The following UBAC2 variants were observed in gnomAD, a reference collection of about 807,000 sequenced individuals.
The protein encoded by UBAC2 is ubiquitin-associated domain-containing protein 2.
UBAC2 carries 26 observed loss-of-function variants against 44.0 expected under a neutral mutation model. The ratio of observed to expected loss-of-function variants is 0.59; its 90% CI spans 0.43 to 0.82. UBAC2 has a LOEUF of 0.82. Ranked by LOEUF, UBAC2 falls within the 40% of genes least tolerant of loss-of-function variation. UBAC2 has a pLI of 0.00. For synonymous variants in UBAC2, 155 were observed against 154.3 expected, an observed-to-expected ratio of 1.00 and a Z score of -0.04; for missense variants, 329 against 419.4, an observed-to-expected ratio of 0.78 and a Z score of 1.88.
intron 6 of UBAC2, among the ~76,000 whole-genome samples, chr13:99,333,096 T>TG (rs5806108): frequency 0.25 from 38,474 of 151,548 alleles, 6,041 homozygotes; most frequent in Non-Finnish European, 0.35. Context: ...ACCCCGTCTC[T>TG]GGGGGGGGAA....
At chr13:99,317,985 A>T (rs566768509) in intron 5 of UBAC2, 37 bp from the exon 6 acceptor site, 2 of 1,577,880 alleles carry the variant, frequency 1.3e-6, no homozygotes, top group East Asian at 4.5e-5. Flanking sequence ...TGGCAGTTGA[A>T]TTTTATTTTT....
rs2044587498 is a variant in UBAC2, at chr13:99,322,858, T to G, written c.561+4789T>G. Among the ~76,000 whole-genome samples, 3 of 152,102 alleles carry G rather than the reference T, an allele frequency of 2.0e-5. No individual in the cohort carries two copies. The South Asian group carries it at 6.2e-4, about 32-fold the overall frequency. ...GATCATAGGACAGGGGTAGGGAAAA[T>G]GAGCCATCTGGAGGGAGTCAAGACA... On this transcript the variant is annotated intron_variant, in intron 6 of 8. Coordinates refer to ENST00000403766, the MANE Select transcript of UBAC2 (RefSeq NM_001144072.2).
At chr13:99,322,847 G>A (rs1330865229) in intron 6 of UBAC2, among the ~76,000 whole-genome samples, 1 of 152,156 alleles carries the variant, frequency 6.6e-6, no homozygotes, top group Non-Finnish European at 1.5e-5. Context: ...ATAGGACAGG[G>A]GTAGGGAAAA....
intron 1 of UBAC2, chr13:99,201,594 A>T: frequency 4.3e-6 from 7 of 1,612,468 alleles, no homozygotes; most frequent in Non-Finnish European, 5.9e-6. Context: ...TTTTACAGCC[A>T]GTTAAACGGC....
chr13:99,303,153 C>T (rs537371398), intron 4 of UBAC2, among the ~76,000 whole-genome samples: 4 of 152,206 alleles, frequency 2.6e-5, no homozygotes, highest in South Asian at 4.2e-4. Context: ...AATAGATCTG[C>T]GAAAGGCCAT....
At chr13:99,249,586 T>C (rs1268682102) in intron 4 of UBAC2, among the ~76,000 whole-genome samples, 1 of 152,228 alleles carries the variant, frequency 6.6e-6, no homozygotes, top group Non-Finnish European at 1.5e-5. Context: ...GGAATGGTAG[T>C]CCTGTTTTAA....
At chr13:99,232,166 G>T (rs2043180396) in intron 1 of UBAC2, among the ~76,000 whole-genome samples, 1 of 152,096 alleles carries the variant, frequency 6.6e-6, no homozygotes, top group Admixed American at 6.6e-5. Flanking sequence ...GGGTTTGGGG[G>T]TATGGGATAG....
chr13:99,307,695 CAAT>C (rs910680642), intron 4 of UBAC2, among the ~76,000 whole-genome samples: 4 of 151,900 alleles, frequency 2.6e-5, no homozygotes, highest in African/African-American at 9.7e-5. Context: ...GAGACTGAAG[CAAT>C]AAACCTTAAC....
At chr13:99,270,782 G>A (rs1033291839) in intron 4 of UBAC2, among the ~76,000 whole-genome samples, 3 of 152,024 alleles carry the variant, frequency 2.0e-5, no homozygotes, top group South Asian at 4.2e-4. Context: ...AATCTTTTAT[G>A]GTAAATTATG....
intron 4 of UBAC2, among the ~76,000 whole-genome samples, chr13:99,277,264 G>T (rs2043895923): frequency 6.6e-6 from 1 of 152,194 alleles, no homozygotes; most frequent in Non-Finnish European, 1.5e-5. Context: ...AGTGGCTCAT[G>T]CCTGTAATCC....
At position 99,252,921 on chromosome 13, in the gene UBAC2, A is replaced by G. The variant is rs548291485; in HGVS notation, c.389+8297A>G. 1.7e-3 allele frequency among the ~76,000 whole-genome samples: 254 copies of G among 152,124 alleles called. 1 individual carries two copies. The highest frequency in any genetic ancestry group is 5.8e-3 in the African/African-American group (242 of 41,556). On this transcript the variant is annotated intron_variant, in intron 4 of 8. Transcript: ENST00000403766. ...TAAACTCTTCTTATCAAGACAAGCT[A>G]TGGCAGAGAACTTTTCCATCTAATA...
chr13:99,350,896 A>G (rs2045075319), intron 7 of UBAC2, among the ~76,000 whole-genome samples: 2 of 152,014 alleles, frequency 1.3e-5, no homozygotes, highest in South Asian at 4.1e-4. Context: ...ATTATAGGAC[A>G]CCCTGCTGGT....
At chr13:99,237,261 T>TACAC (rs1319391523) in intron 1 of UBAC2, among the ~76,000 whole-genome samples, 1 of 86,570 alleles carries the variant, frequency 1.2e-5, no homozygotes, top group Non-Finnish European at 2.7e-5. Context: ...TGCGTATATA[T>TACAC]ATATATATAT....
In UBAC2 at chr13:99,263,998, G is replaced by A. The variant is rs532585693; in HGVS notation, c.389+19374G>A. On this transcript the variant is annotated intron_variant, in intron 4 of 8. Coordinates refer to ENST00000403766, the MANE Select transcript of UBAC2 (RefSeq NM_001144072.2). ...TGGTAAACCTTTTGGGTGGGGTGTG[G>A]GCATGTGTAATAATAAGGAAGGGTC... 5.9e-5 allele frequency among the ~76,000 whole-genome samples: 9 copies of A among 152,274 alleles called. No homozygotes were observed. The East Asian group carries it at 1.5e-3, about 26-fold the overall frequency.
intron 6 of UBAC2, among the ~76,000 whole-genome samples, chr13:99,335,158 C>T (rs1406734797): frequency 6.6e-6 from 1 of 152,218 alleles, no homozygotes; most frequent in South Asian, 2.1e-4. Flanking sequence ...TCAACAATCA[C>T]AGTTGAATAC....
At chr13:99,382,469 C>T (rs2045563916) in intron 8 of UBAC2, among the ~76,000 whole-genome samples, 2 of 152,110 alleles carry the variant, frequency 1.3e-5, no homozygotes, top group African/African-American at 2.4e-5. Flanking sequence ...CTAATGCATT[C>T]CTCTGCTCTC....
intron 1 of UBAC2, among the ~76,000 whole-genome samples, chr13:99,223,542 G>GT (rs145143990): frequency 0.046 from 2,886 of 62,278 alleles, 80 homozygotes; most frequent in East Asian, 0.065. Flanking sequence ...CTCTTTTTCT[G>GT]TTTTTTTTTT....
chr13:99,242,571 T>A (rs1268469480), intron 2 of UBAC2, among the ~76,000 whole-genome samples: 2 of 82,288 alleles, frequency 2.4e-5, no homozygotes, highest in African/African-American at 9.5e-5. Flanking sequence ...CACTTCCCAG[T>A]AGGGGCGGCC....
At chr13:99,356,197 G>A (rs192917405) in intron 7 of UBAC2, 2 of 534,610 alleles carry the variant, frequency 3.7e-6, no homozygotes, top group African/African-American at 3.8e-5. Context: ...GGAGCTTCCC[G>A]ATGTACTCTG....
Sources: gnomAD v4.1 joint callset for allele counts (sites outside exome capture counted in the v4.1 genomes callset) on GRCh38, gnomAD v4.1.1 for gene constraint, MANE v1.5 for transcripts, NCBI Gene and HGNC (gene_info 2026-07-23, HGNC 2026-07-21) for gene names.